ALPK2: variants seen among roughly 807,000 people sequenced by gnomAD.
ALPK2 encodes the protein alpha-protein kinase 2.
Under a neutral mutation model 163.1 loss-of-function variants are expected in ALPK2, and 127 were observed. The observed-to-expected ratio is 0.78, with a 90% CI of 0.67 to 0.90. ALPK2 has a LOEUF of 0.90. ALPK2 is among the 40% of genes least tolerant of loss of function. ALPK2 has a pLI of 0.00. For missense variants in ALPK2, 2,360 were observed against 2,589.6 expected, an observed-to-expected ratio of 0.91 and a Z score of 1.92; for synonymous variants, 953 against 959.1, an observed-to-expected ratio of 0.99 and a Z score of 0.12.
chr18:58,574,122 C>G (rs536978321), intron 4 of ALPK2, among the ~76,000 whole-genome samples: 18 of 152,034 alleles, frequency 1.2e-4, no homozygotes, highest in Non-Finnish European at 2.5e-4. Flanking sequence ...ATGTAAATCT[C>G]CAGCATTCAC....
chr18:58,543,376 G>A, intron 4 of ALPK2: 3 of 985,456 alleles, frequency 3.0e-6, no homozygotes, highest in Non-Finnish European at 3.6e-6. Flanking sequence ...CAGACCTCAG[G>A]CGGCTATGTG....
chr18:58,482,013 G>A lies in ALPK2; in HGVS notation c.6323C>T (p.Ser2108Phe), dbSNP rs61738810. 2.5e-5 allele frequency: 40 copies of A among 1,614,132 alleles called. No homozygotes were observed. The African/African-American group carries it at 4.1e-4, about 17-fold the overall frequency. Residue 2108 changes from serine to phenylalanine, a missense_variant, in exon 13 of 13, where the codon TCC becomes TTC. Ser to Phe is a radical substitution (Grantham distance 155). Coordinates refer to ENST00000361673, the MANE Select transcript of ALPK2 (RefSeq NM_052947.4). ...KGYKGFKGNC[S>F]MTFIDQFKAL... ...TTTAAACTGATCAATGAAGGTCATG[G>A]AACAGTTGCCTTTAAATCCCTTGTA...
At chr18:58,553,971 C>T (rs2051775037) in intron 4 of ALPK2, among the ~76,000 whole-genome samples, 1 of 144,794 alleles carries the variant, frequency 6.9e-6, no homozygotes, top group Non-Finnish European at 1.5e-5. Flanking sequence ...AAGCGATTCT[C>T]CTGCCTCAGC....
chr18:58,567,548 C>T (rs976508198), intron 4 of ALPK2, among the ~76,000 whole-genome samples: 6 of 152,088 alleles, frequency 3.9e-5, no homozygotes, highest in African/African-American at 9.7e-5. Flanking sequence ...CACCTGAACA[C>T]GAGACATCCA....
At chr18:58,627,932 A>G (rs2052240243) in intron 1 of ALPK2, among the ~76,000 whole-genome samples, 1 of 152,224 alleles carries the variant, frequency 6.6e-6, no homozygotes, top group Non-Finnish European at 1.5e-5. Context: ...TTAGAAATAA[A>G]GGCTACCTTT....
At position 58,538,015 on chromosome 18, in the gene ALPK2, G is replaced by A; in HGVS notation, c.2172C>T (p.Asp724=). 1 of 1,614,178 alleles carries A rather than the reference G, an allele frequency of 6.2e-7. No homozygotes were observed. The highest frequency in any genetic ancestry group is 8.5e-7 in the Non-Finnish European group (1 of 1,180,026). The change falls in exon 5 of 13, where the codon GAC becomes GAT. Residue 724 remains aspartate, a synonymous_variant. Transcript: ENST00000361673. ...TCGPQHEEKQ[D]RDGNIPDNFR... ...AATTGTCAGGTATGTTGCCATCTCT[G>A]TCTTGTTTTTCTTCATGCTGTGGAC...
intron 12 of ALPK2, among the ~76,000 whole-genome samples, chr18:58,485,976 A>T (rs574909064): frequency 5.9e-5 from 9 of 152,010 alleles, no homozygotes; most frequent in African/African-American, 2.2e-4. Flanking sequence ...ACTAATTCAC[A>T]CTGTGACCTC....
intron 12 of ALPK2, among the ~76,000 whole-genome samples, chr18:58,492,267 C>T (rs988566881): frequency 1.4e-4 from 21 of 152,170 alleles, no homozygotes; most frequent in Admixed American, 7.9e-4. Context: ...GACAAAGACA[C>T]GCACACAGAC....
intron 12 of ALPK2, among the ~76,000 whole-genome samples, chr18:58,492,674 G>C (rs907994487): frequency 1.3e-5 from 2 of 152,200 alleles, no homozygotes; most frequent in Non-Finnish European, 2.9e-5. Flanking sequence ...TGGATGACAA[G>C]CGATGCAGCA....
intron 11 of ALPK2, among the ~76,000 whole-genome samples, chr18:58,503,007 G>A (rs1568068012): frequency 6.6e-6 from 1 of 152,168 alleles, no homozygotes; most frequent in Non-Finnish European, 1.5e-5. Context: ...TCTACCAGTC[G>A]CCTTTCCTTC....
At chr18:58,522,644 T>A (rs2051561103) in intron 8 of ALPK2, among the ~76,000 whole-genome samples, 1 of 152,218 alleles carries the variant, frequency 6.6e-6, no homozygotes. Context: ...TCTGCTCAGC[T>A]AGTCAAACTG....
At position 58,535,159 on chromosome 18, in the gene ALPK2, G is replaced by A; in HGVS notation, c.5028C>T (p.Gly1676=). The A allele has an allele frequency of 6.2e-7, 1 of 1,614,082 alleles. No individual in the cohort carries two copies. The highest frequency in any genetic ancestry group is 2.2e-5 in the East Asian group (1 of 44,870). The change falls in exon 5 of 13, where the codon GGC becomes GGT. Residue 1676 remains glycine (G), a synonymous_variant. Coordinates refer to ENST00000361673, the MANE Select transcript of ALPK2 (RefSeq NM_052947.4). The stretch of plus-strand genomic sequence containing the variant: ...TGGACTTTTTCGCACAGCCCAGGGT[G>A]CCCTTTTGACATGGATCCTGCAGTA... ...PKLLQDPCQK[G]TLGCAKKSRE...
chr18:58,597,200 G>T (rs1444211282), intron 3 of ALPK2, among the ~76,000 whole-genome samples: 1 of 152,186 alleles, frequency 6.6e-6, no homozygotes, highest in Non-Finnish European at 1.5e-5. Context: ...TGAGGCAGGA[G>T]AATTGCTTGA....
At chr18:58,488,313 G>A (rs187973805) in intron 12 of ALPK2, among the ~76,000 whole-genome samples, 1 of 150,296 alleles carries the variant, frequency 6.7e-6, no homozygotes, top group Non-Finnish European at 1.5e-5. Flanking sequence ...CTATGTGTTA[G>A]AAACTGTGCC....
intron 4 of ALPK2, among the ~76,000 whole-genome samples, chr18:58,555,638 A>C (rs147375917): frequency 1.7e-3 from 255 of 152,320 alleles, no homozygotes; most frequent in African/African-American, 5.5e-3. Context: ...TCTGGTGGGA[A>C]GTTGCAGGCC....
chr18:58,554,587 C>T (rs2051779359), intron 4 of ALPK2, among the ~76,000 whole-genome samples: 1 of 152,200 alleles, frequency 6.6e-6, no homozygotes, highest in African/African-American at 2.4e-5. Context: ...CTCTAATTCT[C>T]TTGAGGATCT....
At chr18:58,581,257 C>T (rs2051957543) in intron 3 of ALPK2, among the ~76,000 whole-genome samples, 1 of 152,296 alleles carries the variant, frequency 6.6e-6, no homozygotes, top group Non-Finnish European at 1.5e-5. Context: ...ATAGAGAACC[C>T]TCAAATCTTT....
chr18:58,607,030 A>C (rs2052101651), intron 3 of ALPK2, among the ~76,000 whole-genome samples: 1 of 152,222 alleles, frequency 6.6e-6, no homozygotes. Flanking sequence ...AGAGATCAAG[A>C]TGAAATGAAA....
chr18:58,597,804 C>T (rs1004953034), intron 3 of ALPK2, among the ~76,000 whole-genome samples: 9 of 152,174 alleles, frequency 5.9e-5, no homozygotes, highest in African/African-American at 2.2e-4. Context: ...GGAGGCAGGG[C>T]CTCTGGGAGG....
Sources: allele counts gnomAD v4.1 joint callset (sites outside exome capture counted in the v4.1 genomes callset), GRCh38; gene constraint gnomAD v4.1.1; transcripts MANE v1.5; gene names NCBI Gene and HGNC (gene_info 2026-07-23, HGNC 2026-07-21).